Variants in BANK1 observed in about 807,000 individuals in gnomAD.
BANK1 encodes B cell scaffold protein with ankyrin repeats 1.
A neutral mutation model predicts 94.5 loss-of-function variants in BANK1; 95 were observed. That is an observed-to-expected ratio of 1.00 (90% CI 0.85 to 1.19). The LOEUF (loss-of-function observed/expected upper bound fraction) is 1.19, where lower values mean the gene tolerates loss of function less well. Ranked by LOEUF, BANK1 falls within the 50% of genes most tolerant of loss-of-function variation. The probability of loss-of-function intolerance (pLI) is 0.00; values close to 1 mark genes in which losing one functional copy is unlikely to be tolerated. For synonymous variants in BANK1, 334 were observed against 308.4 expected (o/e 1.08, Z -0.87); for missense variants, 987 against 932.2 (o/e 1.06, Z -0.77).
chr4:101,979,631 A>G (rs1725259747), intron 7 of BANK1, among the ~76,000 whole-genome samples: 1 of 151,926 alleles, frequency 6.6e-6, no homozygotes. Flanking sequence ...CTATCTCTCT[A>G]TATGTATGAT....
chr4:101,987,500 C>G (rs532292494), intron 7 of BANK1, among the ~76,000 whole-genome samples: 53 of 152,074 alleles, frequency 3.5e-4, no homozygotes, highest in Non-Finnish European at 6.2e-4. Context: ...TTGATATACT[C>G]ATTTAAAGCA....
chr4:101,819,997 A>G (rs1389044685), intron 1 of BANK1, among the ~76,000 whole-genome samples: 15 of 150,634 alleles, frequency 1.0e-4, no homozygotes, highest in Admixed American at 8.5e-4. Context: ...GTATTTACAG[A>G]AAGTTTGTCT....
At chr4:102,030,467 G>T (rs1035558914) in intron 10 of BANK1, among the ~76,000 whole-genome samples, 2 of 151,274 alleles carry the variant, frequency 1.3e-5, no homozygotes, top group African/African-American at 4.9e-5. Flanking sequence ...TAAGTTCTGG[G>T]GTACATGTGC....
intron 3 of BANK1, among the ~76,000 whole-genome samples, chr4:101,859,638 G>GT (rs1449432124): frequency 3.3e-5 from 5 of 152,166 alleles, no homozygotes; most frequent in African/African-American, 4.8e-5. Flanking sequence ...ATTAGCTAAT[G>GT]TAATTAAGAG....
At chr4:102,037,641 C>A (rs528277673) in intron 10 of BANK1, among the ~76,000 whole-genome samples, 1 of 152,280 alleles carries the variant, frequency 6.6e-6, no homozygotes, top group East Asian at 1.9e-4. Context: ...CCAGATGGAA[C>A]GGAATTTTAC....
chr4:101,918,641 T>C (rs1055911061), intron 7 of BANK1, among the ~76,000 whole-genome samples: 15 of 151,952 alleles, frequency 9.9e-5, no homozygotes, highest in Admixed American at 1.3e-4. Flanking sequence ...GTAACAAAGA[T>C]ATGCACATTT....
chr4:102,025,213 C>T lies in BANK1; in HGVS notation c.1298C>T (p.Pro433Leu), dbSNP rs2148948218. 1.2e-6 allele frequency: 2 copies of T among 1,614,002 alleles called. No homozygotes were observed. Among genetic ancestry groups the T allele is most frequent in the East Asian group, 4.5e-5 (2 of 44,886 alleles). Residue 433 changes from proline (P) to leucine (L), a missense_variant, in exon 9 of 17, where the codon CCA becomes CTA. Transcript: ENST00000322953. ...TCATCATAAACAGCCACACAGAACCCAGCATTTCATCATGAAAGCAGGAAG... is the reference window on the plus strand; with the variant it reads ...TCATCATAAACAGCCACACAGAACCTAGCATTTCATCATGAAAGCAGGAAG... ...FSTYIPSTQN[P>L]AFHHESRKTY... is the part of the protein sequence containing the mutation.
chr4:102,069,106 T>A (rs1728679619), intron 13 of BANK1, among the ~76,000 whole-genome samples: 1 of 152,032 alleles, frequency 6.6e-6, no homozygotes, highest in African/African-American at 2.4e-5. Flanking sequence ...GAGAGCCAGG[T>A]TTTTTATTGT....
intron 7 of BANK1, among the ~76,000 whole-genome samples, chr4:101,959,907 T>A (rs1336447757): frequency 1.3e-5 from 2 of 152,192 alleles, no homozygotes; most frequent in African/African-American, 4.8e-5. Context: ...CAAGTAGCAC[T>A]CAGTGTCATT....
chr4:102,044,500 A>G (rs1727812894), intron 11 of BANK1, among the ~76,000 whole-genome samples: 1 of 147,134 alleles, frequency 6.8e-6, no homozygotes, highest in African/African-American at 2.5e-5. Context: ...ATACGTGTGC[A>G]TGTGTCTTTA....
intron 6 of BANK1, among the ~76,000 whole-genome samples, chr4:101,899,437 A>G (rs1490706500): frequency 6.6e-6 from 1 of 152,190 alleles, no homozygotes; most frequent in Non-Finnish European, 1.5e-5. Flanking sequence ...CTTGCCAATA[A>G]TAATTTTAGC....
chr4:101,965,910 T>C (rs1008709958), intron 7 of BANK1, among the ~76,000 whole-genome samples: 10 of 152,234 alleles, frequency 6.6e-5, no homozygotes, highest in African/African-American at 2.2e-4. Flanking sequence ...CTTATGATAT[T>C]CAGGAAGCTT....
intron 6 of BANK1, among the ~76,000 whole-genome samples, chr4:101,908,850 C>T (rs1469169953): frequency 6.6e-6 from 1 of 152,188 alleles, no homozygotes; most frequent in Admixed American, 6.5e-5. Flanking sequence ...ATCAAAACCA[C>T]AATAAGATAC....
intron 10 of BANK1, among the ~76,000 whole-genome samples, chr4:102,042,097 AC>A (rs1379862691): frequency 6.6e-6 from 1 of 151,970 alleles, no homozygotes; most frequent in African/African-American, 2.4e-5. Context: ...TTTCCTCTTA[AC>A]CATTCTCAGT....
chr4:101,954,472 A>C (rs1340281584), intron 7 of BANK1, among the ~76,000 whole-genome samples: 1 of 152,130 alleles, frequency 6.6e-6, no homozygotes, highest in Non-Finnish European at 1.5e-5. Context: ...CCAGGTAAAC[A>C]TTAGTAGGCC....
chr4:102,048,985 A>G (rs934494293), intron 11 of BANK1, among the ~76,000 whole-genome samples: 37 of 152,178 alleles, frequency 2.4e-4, no homozygotes, highest in Non-Finnish European at 4.4e-4. Context: ...CCCAATTTGG[A>G]TTTGAAATTA....
At chr4:102,065,845 C>T (rs1728573814) in intron 13 of BANK1, among the ~76,000 whole-genome samples, 1 of 151,900 alleles carries the variant, frequency 6.6e-6, no homozygotes, top group African/African-American at 2.4e-5. Flanking sequence ...AAAATTAAGA[C>T]AGACCAATAG....
chr4:101,867,367 AAGG>A (rs1381969125), intron 4 of BANK1, among the ~76,000 whole-genome samples: 3 of 152,044 alleles, frequency 2.0e-5, no homozygotes, highest in Non-Finnish European at 4.4e-5. Context: ...CAGAAAAATG[AAGG>A]AGTTCATTAC....
intron 7 of BANK1, among the ~76,000 whole-genome samples, chr4:101,938,443 A>T (rs1176252331): frequency 2.0e-5 from 3 of 151,670 alleles, no homozygotes; most frequent in Non-Finnish European, 4.4e-5. Context: ...TAACTAAAAA[A>T]GTATAACTGG....
Sources: gnomAD v4.1 joint callset for allele counts (sites outside exome capture counted in the v4.1 genomes callset) on GRCh38, gnomAD v4.1.1 for gene constraint, MANE v1.5 for transcripts, NCBI Gene and HGNC (gene_info 2026-07-23, HGNC 2026-07-21) for gene names.